Variants in PCDH7 observed in about 807,000 individuals in gnomAD.
The protein encoded by PCDH7 is protocadherin-7.
PCDH7 carries 17 observed loss-of-function variants against 58.9 expected under a neutral mutation model. The observed-to-expected ratio is 0.29, with a 90% CI of 0.20 to 0.43. PCDH7 has a LOEUF of 0.43. PCDH7 is among the 20% of genes least tolerant of loss of function. The pLI, the probability that PCDH7 is intolerant of heterozygous loss-of-function variation, is 1.00. For missense variants in PCDH7, 1,274 were observed against 1,441.0 expected, an observed-to-expected ratio of 0.88 and a Z score of 1.88; for synonymous variants, 664 against 616.4, an observed-to-expected ratio of 1.08 and a Z score of -1.14.
chr4:30,941,111 A>T (rs955232633), intron 2 of PCDH7, among the ~76,000 whole-genome samples: 15 of 152,030 alleles, frequency 9.9e-5, no homozygotes, highest in South Asian at 8.3e-4. Context: ...AAATAATTTT[A>T]AAAAAATTTT....
At chr4:30,953,459 GA>G (rs1451321808) in intron 3 of PCDH7, among the ~76,000 whole-genome samples, 4 of 151,598 alleles carry the variant, frequency 2.6e-5, no homozygotes, top group African/African-American at 7.3e-5. Context: ...CTCATTTGGT[GA>G]AAAATGGTCT....
chr4:30,749,657 G>GT (rs1255176596), intron 1 of PCDH7, among the ~76,000 whole-genome samples: 1 of 152,112 alleles, frequency 6.6e-6, no homozygotes, highest in African/African-American at 2.4e-5. Context: ...ATGATTGACT[G>GT]TATCACTTAC....
At chr4:31,085,175 A>T (rs377696129) in intron 3 of PCDH7, among the ~76,000 whole-genome samples, 3 of 152,016 alleles carry the variant, frequency 2.0e-5, no homozygotes, top group Admixed American at 1.3e-4. Flanking sequence ...GATTGGTCAG[A>T]GATGAAATCA....
At chr4:30,906,752 G>A (rs907607179) in intron 1 of PCDH7, among the ~76,000 whole-genome samples, 2 of 152,158 alleles carry the variant, frequency 1.3e-5, no homozygotes, top group African/African-American at 4.8e-5. Flanking sequence ...ACCAGGCACT[G>A]TGACTCACAC....
At chr4:30,918,504 A>G (rs1041930767) in intron 1 of PCDH7, among the ~76,000 whole-genome samples, 9 of 152,260 alleles carry the variant, frequency 5.9e-5, no homozygotes, top group Non-Finnish European at 1.0e-4. Flanking sequence ...AAATATGAGA[A>G]TCATTAGTGA....
rs752040615 is a variant in PCDH7 at position 30,722,611 on chromosome 4, G to T, written c.1189G>T (p.Asp397Tyr). 6.2e-6 allele frequency: 10 copies of T among 1,613,288 alleles called. No homozygotes were observed. In the South Asian group the frequency reaches 1.1e-4, roughly 18 times the overall value. The change falls in exon 1 of 2, where the codon GAC becomes TAC. Residue 397 changes from aspartate (D) to tyrosine (Y), a missense_variant. Transcript: ENST00000361762. This position sits in a 1 kb window ranked among gnomAD's most constrained non-coding sequence, Gnocchi z 7.6. ...CGACCGCGGGCAGCCCCCCAAGACC[G>T]ACAAGGCCACCGTGGTCCTTAACAT...
At chr4:31,019,298 A>C (rs191715291) in intron 3 of PCDH7, among the ~76,000 whole-genome samples, 1 of 152,294 alleles carries the variant, frequency 6.6e-6, no homozygotes, top group East Asian at 1.9e-4. Context: ...AGAGCTTTTC[A>C]AAAATTAAAA....
At chr4:31,142,601 C>A (rs1341712431) in exon 4 of PCDH7, 1 of 1,367,806 alleles carries the variant, frequency 7.3e-7, no homozygotes, top group African/African-American at 1.5e-5. Flanking sequence ...CCAGCCTAAA[C>A]TGTCCACTTT....
chr4:30,734,334 G>C (rs1173168558), downstream of PCDH7, among the ~76,000 whole-genome samples: 3 of 151,342 alleles, frequency 2.0e-5, no homozygotes, highest in Non-Finnish European at 4.4e-5. Context: ...CCACGTTCAA[G>C]CGATTCTTCT....
chr4:30,837,692 TTC>T (rs1730671982), intron 1 of PCDH7, among the ~76,000 whole-genome samples: 1 of 151,870 alleles, frequency 6.6e-6, no homozygotes, highest in Admixed American at 6.6e-5. Context: ...GTTTCATGAA[TTC>T]TCTGAAAAGT....
intron 1 of PCDH7, among the ~76,000 whole-genome samples, chr4:30,766,059 A>G (rs898763120): frequency 6.6e-6 from 1 of 151,862 alleles, no homozygotes; most frequent in Non-Finnish European, 1.5e-5. Context: ...AAGACGTCAC[A>G]GGAAAAGTGG....
intron 1 of PCDH7, among the ~76,000 whole-genome samples, chr4:30,812,463 A>G (rs1009190656): frequency 6.6e-6 from 1 of 152,198 alleles, no homozygotes; most frequent in Non-Finnish European, 1.5e-5. Context: ...TCTTAAGTAT[A>G]TTGTATGAAA....
At chr4:31,020,370 G>A (rs568863871) in intron 3 of PCDH7, among the ~76,000 whole-genome samples, 5 of 152,030 alleles carry the variant, frequency 3.3e-5, no homozygotes, top group Non-Finnish European at 7.4e-5. Flanking sequence ...TCCCTCTCTC[G>A]CACGCGCGTG....
chr4:31,038,165 C>G (rs6448738), intron 3 of PCDH7, among the ~76,000 whole-genome samples: 89,421 of 152,018 alleles, frequency 0.59, 27,817 homozygotes, highest in African/African-American at 0.79. Flanking sequence ...TTTAGCCAAA[C>G]TACTTGCTTC....
intron 1 of PCDH7, among the ~76,000 whole-genome samples, chr4:30,762,234 C>CTTAAA: frequency 6.6e-6 from 1 of 152,056 alleles, no homozygotes; most frequent in East Asian, 1.9e-4. Context: ...TTTTTCTTAG[C>CTTAAA]AATTTTGTAT....
intron 1 of PCDH7, among the ~76,000 whole-genome samples, chr4:30,895,062 C>T (rs1038360735): frequency 4.6e-5 from 7 of 151,122 alleles, no homozygotes; most frequent in East Asian, 1.9e-4. Context: ...CCTTTCTTTA[C>T]GAAATTTTAA....
intron 1 of PCDH7, among the ~76,000 whole-genome samples, chr4:30,895,968 G>T (rs77091163): frequency 6.6e-6 from 1 of 152,126 alleles, no homozygotes; most frequent in African/African-American, 2.4e-5. Flanking sequence ...TGCACCATAC[G>T]TGGAACTCTG....
chr4:30,820,234 G>A (rs1279311164), intron 1 of PCDH7, among the ~76,000 whole-genome samples: 1 of 152,136 alleles, frequency 6.6e-6, no homozygotes, highest in African/African-American at 2.4e-5. Context: ...TACTTTTTGT[G>A]TGTGAGAGAA....
At chr4:31,128,915 A>G (rs1718639161) in intron 3 of PCDH7, among the ~76,000 whole-genome samples, 1 of 152,222 alleles carries the variant, frequency 6.6e-6, no homozygotes, top group Admixed American at 6.5e-5. Flanking sequence ...CATTCAGATC[A>G]GCAAATACCA....
Sources: allele counts gnomAD v4.1 joint callset (sites outside exome capture counted in the v4.1 genomes callset), GRCh38; gene constraint gnomAD v4.1.1; non-coding constraint Gnocchi (gnomAD v3.1); transcripts MANE v1.5; gene names NCBI Gene and HGNC (gene_info 2026-07-23, HGNC 2026-07-21).